Variants in RAPGEF2 observed in about 807,000 individuals in gnomAD.
RAPGEF2 encodes the protein PDZ domain containing guanine nucleotide exchange factor (GEF) 1.
RAPGEF2 carries 54 observed loss-of-function variants against 186.7 expected under a neutral mutation model. The ratio of observed to expected loss-of-function variants is 0.29; its 90% confidence interval spans 0.23 to 0.36. The LOEUF is 0.36. RAPGEF2 is among the 10% of genes least tolerant of loss of function. The pLI is 1.00. For missense variants in RAPGEF2, 1,532 were observed against 2,045.0 expected, an observed-to-expected ratio of 0.75 and a Z score of 4.84; for synonymous variants, 712 against 705.9, an observed-to-expected ratio of 1.01 and a Z score of -0.14.
At chr4:159,151,846 C>T (rs13149004) in intron 1 of RAPGEF2, among the ~76,000 whole-genome samples, 2 of 152,028 alleles carry the variant, frequency 1.3e-5, no homozygotes, top group African/African-American at 2.4e-5. Flanking sequence ...AGTTGGGCGA[C>T]ATTGATGGAA....
At chr4:159,206,181 C>T (rs974341096) in intron 3 of RAPGEF2, among the ~76,000 whole-genome samples, 1 of 152,230 alleles carries the variant, frequency 6.6e-6, no homozygotes, top group African/African-American at 2.4e-5. Context: ...CCACCCACCT[C>T]TGCCTTCCGA....
At chr4:159,156,252 A>G (rs1250213159) in intron 1 of RAPGEF2, among the ~76,000 whole-genome samples, 1 of 152,218 alleles carries the variant, frequency 6.6e-6, no homozygotes, top group Non-Finnish European at 1.5e-5. Context: ...TGAAAGTGTC[A>G]TTCTACTTAA....
chr4:159,129,786 C>G (rs1740807907), intron 1 of RAPGEF2, among the ~76,000 whole-genome samples: 1 of 152,000 alleles, frequency 6.6e-6, no homozygotes, highest in Non-Finnish European at 1.5e-5. Flanking sequence ...AATCCGGACC[C>G]TGAAAAGAGG....
chr4:159,339,136 G>A lies in RAPGEF2; in HGVS notation c.2316G>A (p.Arg772=), dbSNP rs780275266. Residue 772 remains arginine (R), a synonymous_variant, in exon 19 of 30, where the codon AGG becomes AGA. Transcript: ENST00000691494. Reference sequence around the variant, plus strand: ...CAGACTTGCCAGATCAAGTGCTAAGGGTTTTTAAGGCTGATCAGCAAAGCC... The same window carrying A: ...CAGACTTGCCAGATCAAGTGCTAAGAGTTTTTAAGGCTGATCAGCAAAGCC... ...ATPDLPDQVL[R]VFKADQQSRY... 1 of 1,613,930 alleles carries A rather than the reference G, an allele frequency of 6.2e-7. No homozygotes were observed. The highest frequency in any genetic ancestry group is 8.5e-7 in the Non-Finnish European group (1 of 1,179,922).
At chr4:159,169,454 T>G (rs2111243404) in intron 1 of RAPGEF2, among the ~76,000 whole-genome samples, 1 of 152,342 alleles carries the variant, frequency 6.6e-6, no homozygotes. Context: ...TTAGAACACT[T>G]AAAATTTACT....
chr4:159,299,162 CTAAG>C (rs756917349), intron 7 of RAPGEF2, among the ~76,000 whole-genome samples: 4 of 152,132 alleles, frequency 2.6e-5, no homozygotes, highest in Non-Finnish European at 5.9e-5. Context: ...GTTTTAGTCA[CTAAG>C]TGTGATATTT....
At chr4:159,198,010 C>T (rs533306722) in intron 3 of RAPGEF2, among the ~76,000 whole-genome samples, 18 of 152,302 alleles carry the variant, frequency 1.2e-4, no homozygotes, top group African/African-American at 3.1e-4. Context: ...AAGCGTGCCA[C>T]GATGCCTTCC....
intron 4 of RAPGEF2, among the ~76,000 whole-genome samples, chr4:159,227,703 A>G (rs1752189374): frequency 6.6e-6 from 1 of 152,202 alleles, no homozygotes; most frequent in Non-Finnish European, 1.5e-5. Context: ...AGATTGTGGC[A>G]AGAGAGAAAA....
chr4:159,348,866 C>T (rs1424300928), intron 25 of RAPGEF2, among the ~76,000 whole-genome samples: 1 of 152,194 alleles, frequency 6.6e-6, no homozygotes, highest in Non-Finnish European at 1.5e-5. Flanking sequence ...TTTAAAGTCA[C>T]AGTATATAAA....
At chr4:159,213,744 A>G (rs893552921) in intron 4 of RAPGEF2, among the ~76,000 whole-genome samples, 1 of 152,174 alleles carries the variant, frequency 6.6e-6, no homozygotes, top group African/African-American at 2.4e-5. Context: ...TGGTTGTTTG[A>G]ACATGAGTAT....
chr4:159,190,556 A>G (rs778569039), intron 2 of RAPGEF2, among the ~76,000 whole-genome samples: 10 of 152,202 alleles, frequency 6.6e-5, no homozygotes, highest in South Asian at 2.1e-4. Flanking sequence ...TTCTCACTAT[A>G]AGGCCATACC....
intron 11 of RAPGEF2, chr4:159,327,217 CTA>C (rs1766043377): frequency 6.6e-6 from 1 of 152,078 alleles, no homozygotes; most frequent in Non-Finnish European, 1.5e-5. Context: ...GAAAATAATC[CTA>C]TGATATAAAC....
In RAPGEF2 at chr4:159,289,145, C is replaced by G. The variant is rs971315271; in HGVS notation, c.544-15197C>G. Among the ~76,000 whole-genome samples, 8 of 152,220 alleles carry G rather than the reference C, an allele frequency of 5.3e-5. No individual in the cohort carries two copies. The South Asian group carries it at 1.5e-3, about 28-fold the overall frequency. Reference sequence around the variant, plus strand: ...CTTTAAGGGTGTAAGTTTCAGGGAGCAGGGATTTTGCTAATCCTAGTCATT... The same window carrying G: ...CTTTAAGGGTGTAAGTTTCAGGGAGGAGGGATTTTGCTAATCCTAGTCATT... On this transcript the variant is annotated intron_variant, in intron 7 of 29. Transcript: ENST00000691494.
intron 1 of RAPGEF2, among the ~76,000 whole-genome samples, chr4:159,131,519 ATTTTTTTTT>A (rs35670450): frequency 5.4e-5 from 2 of 37,188 alleles, no homozygotes; most frequent in African/African-American, 2.4e-4. Flanking sequence ...ATTAATTGCT[ATTTTTTTTT>A]TTTTTTTTTT....
At chr4:159,144,139 C>T (rs1285583044) in intron 1 of RAPGEF2, among the ~76,000 whole-genome samples, 2 of 152,160 alleles carry the variant, frequency 1.3e-5, no homozygotes, top group African/African-American at 4.8e-5. Context: ...TGGTGTCCTT[C>T]CAATCCATGT....
In RAPGEF2 at chr4:159,131,946, C is replaced by G. The variant is rs554628833; in HGVS notation, c.69+27715C>G. Among the ~76,000 whole-genome samples the G allele has an allele frequency of 1.5e-4, 23 of 152,156 alleles. No homozygotes were observed. The South Asian group carries it at 4.8e-3, about 32-fold the overall frequency. On this transcript the variant is annotated intron_variant, in intron 1 of 29. Coordinates refer to ENST00000691494, the MANE Select transcript of RAPGEF2 (RefSeq NM_001394067.2). The stretch of plus-strand genomic sequence containing the variant: ...GTTACAGTCTCCTTACCAAGAGGAT[C>G]CAGATTCAAATCTGGATACTTGCAA...
At chr4:159,128,903 A>G (rs575847063) in intron 1 of RAPGEF2, 31 of 137,464 alleles carry the variant, frequency 2.3e-4, no homozygotes, top group African/African-American at 8.5e-4. Flanking sequence ...GAGTGTGTGT[A>G]TATATATACA....
chr4:159,292,681 C>T (rs1278806792), intron 7 of RAPGEF2, among the ~76,000 whole-genome samples: 1 of 152,094 alleles, frequency 6.6e-6, no homozygotes, highest in Non-Finnish European at 1.5e-5. Flanking sequence ...TCAGCCTATT[C>T]AATAAATTTT....
Position 159,110,468 on chromosome 4 carries a change from T to G in RAPGEF2, c.69+6237T>G, listed in dbSNP as rs548128556. ...GCCAGGTGCCTGTATTCCCAGCTAC[T>G]CGGGGAGACTGAGACAGGAGAATCA... On this transcript the variant is annotated intron_variant, in intron 1 of 29. Coordinates refer to ENST00000691494, the MANE Select transcript of RAPGEF2 (RefSeq NM_001394067.2). 2.0e-5 allele frequency among the ~76,000 whole-genome samples: 3 copies of G among 152,154 alleles called. No individual in the cohort carries two copies. The East Asian group carries it at 5.8e-4, about 29-fold the overall frequency.
Sources: allele counts gnomAD v4.1 joint callset (sites outside exome capture counted in the v4.1 genomes callset), GRCh38; gene constraint gnomAD v4.1.1; transcripts MANE v1.5; gene names NCBI Gene and HGNC (gene_info 2026-07-23, HGNC 2026-07-21).